FKBP9: variants seen among roughly 807,000 people sequenced by gnomAD.
FKBP9 encodes FKBP prolyl isomerase 9.
FKBP9 carries 27 observed loss-of-function variants against 55.6 expected under a neutral mutation model. The observed-to-expected ratio is 0.49, with a 90% CI of 0.36 to 0.67. The LOEUF is 0.67. Ranked by LOEUF, FKBP9 falls within the 30% of genes least tolerant of loss-of-function variation. The pLI, the probability that FKBP9 is intolerant of heterozygous loss-of-function variation, is 0.00. For missense variants in FKBP9, 539 were observed against 742.8 expected, an observed-to-expected ratio of 0.73 and a Z score of 3.19; for synonymous variants, 267 against 296.5, an observed-to-expected ratio of 0.90 and a Z score of 1.02.
At chr7:32,994,171 A>G (rs2127987504) in intron 6 of FKBP9, among the ~76,000 whole-genome samples, 1 of 152,318 alleles carries the variant, frequency 6.6e-6, no homozygotes, top group South Asian at 2.1e-4. Flanking sequence ...CATTACCTCT[A>G]CCTAATTCCA....
At chr7:32,998,059 G>T (rs866129657) in intron 7 of FKBP9, among the ~76,000 whole-genome samples, 6 of 152,172 alleles carry the variant, frequency 3.9e-5, no homozygotes, top group Non-Finnish European at 8.8e-5. Flanking sequence ...ATGCATTTTA[G>T]AATCAGTGAA....
Position 32,957,694 on chromosome 7 carries a change from C to A in FKBP9, c.121C>A (p.Arg41Ser). ...GSDAELQIER[R>S]FVPDECPRTV... ...CGACGCGGAGCTGCAGATCGAGCGG[C>A]GCTTCGTGCCCGACGAGTGCCCGCG... is the stretch of plus-strand genomic sequence containing the variant. The change falls in exon 1 of 10, where the codon CGC (arginine) becomes AGC (serine). Residue 41 changes from arginine to serine, a missense_variant. Physicochemically the swap from Arg to Ser is moderately radical, Grantham distance 110. Transcript: ENST00000242209. The A allele has an allele frequency of 6.5e-7, 1 of 1,535,260 alleles. No homozygotes were observed.
At chr7:32,988,287 T>C (rs893999696) in intron 5 of FKBP9, among the ~76,000 whole-genome samples, 14 of 152,220 alleles carry the variant, frequency 9.2e-5, no homozygotes, top group Admixed American at 2.0e-4. Flanking sequence ...GAGGGCCACA[T>C]GGCGTGTCCC....
At position 32,975,652 on chromosome 7, in the gene FKBP9, C is replaced by CTT. The variant is rs55749052; in HGVS notation, c.557+292_557+293dup. Reference sequence around the variant, plus strand: ...ATTAAGTGAAAGGTTCTATTTCTTTCTTTTTTTTTTTTGAGATGGATTCTC... The same window carrying CTT: ...ATTAAGTGAAAGGTTCTATTTCTTTCTTTTTTTTTTTTTTGAGATGGATTCTC... On this transcript the variant is annotated intron_variant, in intron 3 of 9. Transcript: ENST00000242209. 2.4e-3 allele frequency among the ~76,000 whole-genome samples: 346 copies of CTT among 146,348 alleles called. 3 individuals are homozygous for CTT. The highest frequency in any genetic ancestry group is 5.5e-3 in the African/African-American group (220 of 39,778).
chr7:32,998,216 A>C (rs541605337), intron 7 of FKBP9, among the ~76,000 whole-genome samples: 1 of 152,260 alleles, frequency 6.6e-6, no homozygotes, highest in East Asian at 1.9e-4. Flanking sequence ...TTGTGGATCA[A>C]GTGAGCTCCT....
intron 4 of FKBP9, among the ~76,000 whole-genome samples, chr7:32,977,890 T>TATATATATATATATAC (rs1473389643): frequency 1.5e-4 from 21 of 139,332 alleles, no homozygotes; most frequent in African/African-American, 5.3e-4. Flanking sequence ...TATGTATATA[T>TATATATATATATATAC]ACACTCATAT....
intron 1 of FKBP9, among the ~76,000 whole-genome samples, chr7:32,967,867 G>A (rs1274839169): frequency 6.6e-6 from 1 of 151,990 alleles, no homozygotes; most frequent in Admixed American, 6.6e-5. Flanking sequence ...TGATTCTCCT[G>A]CCTCAGCCTC....
intron 1 of FKBP9, among the ~76,000 whole-genome samples, chr7:32,958,284 G>A (rs146458545): frequency 1.3e-5 from 2 of 152,346 alleles, no homozygotes; most frequent in East Asian, 3.9e-4. Context: ...TGTTAACAAT[G>A]TGTAGGTGTA....
chr7:32,999,428 G>A (rs538815238), intron 7 of FKBP9, among the ~76,000 whole-genome samples: 87 of 149,766 alleles, frequency 5.8e-4, no homozygotes, highest in African/African-American at 2.0e-3. Context: ...TTTTTAACTG[G>A]CTTCCTGAGG....
Position 32,978,485 on chromosome 7 carries a change from A to G in FKBP9, c.704-1879A>G, listed in dbSNP as rs530594716. ...TGATCCTCCTGCCTCAGCCTTCCGAATAGTTAGGAGTACAGACGTGTGCCA... is the reference window on the plus strand; with the variant it reads ...TGATCCTCCTGCCTCAGCCTTCCGAGTAGTTAGGAGTACAGACGTGTGCCA... On this transcript the variant is annotated intron_variant, in intron 4 of 9. Coordinates refer to ENST00000242209, the MANE Select transcript of FKBP9 (RefSeq NM_007270.5). Among the ~76,000 whole-genome samples the G allele has an allele frequency of 1.1e-3, 163 of 152,132 alleles. 1 individual carries two copies. Among genetic ancestry groups the G allele is most frequent in the Non-Finnish European group, 1.9e-3 (130 of 67,994 alleles).
intron 5 of FKBP9, among the ~76,000 whole-genome samples, chr7:32,983,516 T>C (rs13307093): frequency 1.3e-5 from 2 of 151,932 alleles, no homozygotes; most frequent in East Asian, 1.9e-4. Context: ...GGTTTTGCCA[T>C]GTTGGCCAGG....
At chr7:32,975,547 C>T (rs1260969825) in intron 3 of FKBP9, among the ~76,000 whole-genome samples, 176 bp downstream of exon 3, 1 of 152,140 alleles carries the variant, frequency 6.6e-6, no homozygotes, top group East Asian at 1.9e-4. Context: ...TTCTCTGGTG[C>T]CAGAGTCAAA....
rs368581521 is a variant in FKBP9 at position 32,988,566 on chromosome 7, T to C, written c.953T>C (p.Met318Thr). The change falls in exon 6 of 10, where the codon ATG becomes ACG. Residue 318 changes from methionine to threonine, a missense_variant. Coordinates refer to ENST00000242209, the MANE Select transcript of FKBP9 (RefSeq NM_007270.5). Reference protein sequence around the residue: ...YIGQGYVIPGMDEGLLGVCIG... With the variant: ...YIGQGYVIPGTDEGLLGVCIG... ...GGGCAGGGCTACGTGATTCCTGGGA[T>C]GGATGAAGGTCTACTTGGTGTTTGC... 1.3e-4 allele frequency: 204 copies of C among 1,613,760 alleles called. 1 individual carries two copies. The highest frequency in any genetic ancestry group is 1.7e-4 in the Non-Finnish European group (195 of 1,179,852).
rs1785045887 is a variant in FKBP9, at chr7:33,006,609, C to T, written c.*1258C>T. ...GCATCAACAAGGTGACATTTTTCTG[C>T]TGCCCATTTGTGTCCTGGAGACGGT... On this transcript the variant is annotated 3_prime_UTR_variant, in exon 10 of 10. Transcript: ENST00000242209. 1 of 211,534 alleles carries T rather than the reference C, an allele frequency of 4.7e-6. No homozygotes were observed. Among genetic ancestry groups the T allele is most frequent in the East Asian group, 7.0e-5 (1 of 14,338 alleles). 13.1% of individuals were successfully genotyped at this position (211,534 alleles called of 1,614,324 possible). A position where few individuals can be genotyped will look rare whatever the true frequency, so the allele number is the denominator to read the frequency against.
chr7:32,977,924 C>A (rs1190937210), intron 4 of FKBP9, among the ~76,000 whole-genome samples: 1 of 124,980 alleles, frequency 8.0e-6, no homozygotes, highest in Non-Finnish European at 1.7e-5. Context: ...TATATATACA[C>A]TTTTTTTTTT....
intron 1 of FKBP9, among the ~76,000 whole-genome samples, chr7:32,971,915 G>A (rs1208736847): frequency 6.6e-6 from 1 of 152,142 alleles, no homozygotes; most frequent in Non-Finnish European, 1.5e-5. Context: ...GTTTGCTACT[G>A]TGCCCAATAA....
intron 1 of FKBP9, among the ~76,000 whole-genome samples, chr7:32,972,678 T>G (rs558574389): frequency 7.9e-4 from 121 of 152,304 alleles, no homozygotes; most frequent in Non-Finnish European, 1.2e-3. Context: ...TCTATATATG[T>G]AAGTTGAAAA....
At position 32,957,742 on chromosome 7, in the gene FKBP9, G is replaced by A; in HGVS notation, c.169G>A (p.Val57Met). ...GCGCACCGTGCGCAGCGGCGACTTCGTGCGCTACCACTACGTGGGGACGTT... is the reference window on the plus strand; with the variant it reads ...GCGCACCGTGCGCAGCGGCGACTTCATGCGCTACCACTACGTGGGGACGTT... The part of the protein sequence containing the change: ...CPRTVRSGDF[V>M]RYHYVGTFPD... Residue 57 changes from valine to methionine, a missense_variant, in exon 1 of 10, where the codon GTG (valine) becomes ATG (methionine). Physicochemically the swap from Val to Met is conservative, Grantham distance 21 (BLOSUM62 1). Transcript: ENST00000242209. 1 of 1,520,234 alleles carries A rather than the reference G, an allele frequency of 6.6e-7. No homozygotes were observed. The highest frequency in any genetic ancestry group is 8.8e-7 in the Non-Finnish European group (1 of 1,137,716). 94.2% of individuals were successfully genotyped at this position (1,520,234 alleles called of 1,614,324 possible). A position where few individuals can be genotyped will look rare whatever the true frequency, so the allele number is the denominator to read the frequency against.
At chr7:32,967,836 C>T (rs1784176625) in intron 1 of FKBP9, among the ~76,000 whole-genome samples, 1 of 152,002 alleles carries the variant, frequency 6.6e-6, no homozygotes, top group Non-Finnish European at 1.5e-5. Flanking sequence ...CTCATCGCAA[C>T]CTCCGCCTCC....
Sources: allele counts gnomAD v4.1 joint callset (sites outside exome capture counted in the v4.1 genomes callset), GRCh38; gene constraint gnomAD v4.1.1; transcripts MANE v1.5; gene names NCBI Gene and HGNC (gene_info 2026-07-23, HGNC 2026-07-21).